Variants in CTIF observed in about 807,000 individuals in gnomAD.
CTIF encodes cap binding complex dependent translation initiation factor, also known as CBP80/20-dependent translation initiation factor.
A neutral mutation model predicts 66.0 loss-of-function variants in CTIF; 21 were observed. The observed-to-expected ratio is 0.32, with a 90% CI of 0.23 to 0.46. The LOEUF (loss-of-function observed/expected upper bound fraction) is 0.46, where lower values mean the gene tolerates loss of function less well. Ranked by LOEUF, CTIF falls within the 20% of genes least tolerant of loss-of-function variation. CTIF has a pLI of 1.00. For synonymous variants in CTIF, 345 were observed against 326.4 expected (o/e 1.06, Z -0.62); for missense variants, 739 against 812.7 (o/e 0.91, Z 1.10).
At chr18:48,777,245 G>A (rs1272834775) in intron 9 of CTIF, among the ~76,000 whole-genome samples, 3 of 152,198 alleles carry the variant, frequency 2.0e-5, no homozygotes, top group Non-Finnish European at 1.5e-5. Flanking sequence ...TGGGCAGGGC[G>A]GCCTGCAGGG....
chr18:48,685,052 A>G (rs1174187642), intron 6 of CTIF, among the ~76,000 whole-genome samples: 1 of 108,144 alleles, frequency 9.2e-6, no homozygotes, highest in Non-Finnish European at 1.9e-5. Flanking sequence ...TTTTTGGTTT[A>G]GAACCTATAC....
chr18:48,545,829 AAT>A (rs2088733824), intron 1 of CTIF, among the ~76,000 whole-genome samples: 1 of 152,050 alleles, frequency 6.6e-6, no homozygotes, highest in Admixed American at 6.6e-5. Flanking sequence ...TGCTGTAGAC[AAT>A]GAGAGCAGAC....
chr18:48,859,125 C>T (rs1292292647), intron 11 of CTIF, among the ~76,000 whole-genome samples: 1 of 152,188 alleles, frequency 6.6e-6, no homozygotes, highest in African/African-American at 2.4e-5. Context: ...TCGGATCCCT[C>T]TGGATCCTGC....
intron 9 of CTIF, among the ~76,000 whole-genome samples, chr18:48,790,531 C>G (rs1429071839): frequency 6.6e-6 from 1 of 152,222 alleles, no homozygotes; most frequent in African/African-American, 2.4e-5. Context: ...AGCCCCCTCC[C>G]CATCCCCCGG....
At chr18:48,571,120 C>G (rs1019031353) in intron 1 of CTIF, among the ~76,000 whole-genome samples, 2 of 152,164 alleles carry the variant, frequency 1.3e-5, no homozygotes, top group Non-Finnish European at 2.9e-5. Flanking sequence ...CCACCTACCC[C>G]CTTCCGTCTT....
intron 1 of CTIF, among the ~76,000 whole-genome samples, chr18:48,576,782 A>G (rs2089542297): frequency 6.6e-6 from 1 of 152,238 alleles, no homozygotes; most frequent in South Asian, 2.1e-4. Flanking sequence ...TCTCCTATTT[A>G]CACCGTAATT....
At chr18:48,552,567 G>A (rs1023978004) in intron 1 of CTIF, among the ~76,000 whole-genome samples, 10 of 152,160 alleles carry the variant, frequency 6.6e-5, no homozygotes, top group Admixed American at 1.3e-4. Context: ...GGGTGAGGAC[G>A]TTCTCTGGGG....
chr18:48,832,298 A>G (rs1477707200), intron 10 of CTIF, among the ~76,000 whole-genome samples: 2 of 151,432 alleles, frequency 1.3e-5, no homozygotes, highest in East Asian at 1.9e-4. Context: ...CAGCCCCCCA[A>G]GTAGTTGGGA....
chr18:48,698,303 T>C (rs1254637919), intron 6 of CTIF, among the ~76,000 whole-genome samples: 3 of 151,824 alleles, frequency 2.0e-5, no homozygotes, highest in Non-Finnish European at 2.9e-5. Context: ...TCGCAGGAGA[T>C]GCCCCGGCTG....
At chr18:48,581,852 T>C (rs1284704270) in intron 1 of CTIF, among the ~76,000 whole-genome samples, 1 of 151,660 alleles carries the variant, frequency 6.6e-6, no homozygotes, top group Non-Finnish European at 1.5e-5. Context: ...AGGAAAAGTG[T>C]GATTAAGTGG....
At chr18:48,708,104 T>C (rs1198421789) in intron 6 of CTIF, among the ~76,000 whole-genome samples, 1 of 152,234 alleles carries the variant, frequency 6.6e-6, no homozygotes, top group East Asian at 1.9e-4. Flanking sequence ...CCATAATTTA[T>C]TTATCCAGTC....
intron 1 of CTIF, among the ~76,000 whole-genome samples, chr18:48,568,940 G>A (rs2089347783): frequency 6.6e-6 from 1 of 152,178 alleles, no homozygotes. Flanking sequence ...TTGAAGATGA[G>A]ATTTGGGTGG....
chr18:48,802,775 C>G (rs1001646307), intron 9 of CTIF, among the ~76,000 whole-genome samples: 2 of 152,224 alleles, frequency 1.3e-5, no homozygotes, highest in African/African-American at 4.8e-5. Flanking sequence ...CTTCAGCCCC[C>G]TCACGCCCCT....
chr18:48,715,424 G>A lies in CTIF; in HGVS notation c.584+3729G>A, dbSNP rs377050836. Among the ~76,000 whole-genome samples the A allele has an allele frequency of 2.2e-4, 33 of 152,262 alleles. No homozygotes were observed. The South Asian group carries it at 5.6e-3, about 26-fold the overall frequency. On this transcript the variant is annotated intron_variant, in intron 7 of 11. Coordinates refer to ENST00000256413, the MANE Select transcript of CTIF (RefSeq NM_014772.3). ...AATGTGCTAAATGAGTGTTCCACGCGTTCCTCAAAGAGCAGCATGCCTTCT... is the reference window on the plus strand; with the variant it reads ...AATGTGCTAAATGAGTGTTCCACGCATTCCTCAAAGAGCAGCATGCCTTCT...
Position 48,615,587 on chromosome 18 carries a change from C to T in CTIF, c.-28-3951C>T, listed in dbSNP as rs2090384338. Among the ~76,000 whole-genome samples, 4 of 152,216 alleles carry T rather than the reference C, an allele frequency of 2.6e-5. No homozygotes were observed. The South Asian group carries it at 8.3e-4, about 32-fold the overall frequency. ...CCACTGTGGGCCACGGGGCTCACCC[C>T]ACTCGGAGTTGCTGAGGGACCACGT... On this transcript the variant is annotated intron_variant, in intron 1 of 11. Transcript: ENST00000256413.
chr18:48,661,307 C>T (rs2091341929), intron 3 of CTIF, among the ~76,000 whole-genome samples: 1 of 152,174 alleles, frequency 6.6e-6, no homozygotes, highest in East Asian at 1.9e-4. Context: ...GGCTTCAGGT[C>T]ACTGGGCTGA....
chr18:48,702,965 T>G (rs2092103451), intron 6 of CTIF, among the ~76,000 whole-genome samples: 1 of 152,016 alleles, frequency 6.6e-6, no homozygotes, highest in Non-Finnish European at 1.5e-5. Context: ...CCTCTGCTGT[T>G]AAGACAAGCT....
At chr18:48,838,589 T>C (rs921209933) in intron 10 of CTIF, among the ~76,000 whole-genome samples, 3 of 152,188 alleles carry the variant, frequency 2.0e-5, no homozygotes, top group African/African-American at 7.2e-5. Flanking sequence ...TGTGCACACT[T>C]GGGTGGGCTC....
intron 10 of CTIF, among the ~76,000 whole-genome samples, chr18:48,843,352 T>A (rs2068992661): frequency 6.6e-6 from 1 of 152,106 alleles, no homozygotes; most frequent in Non-Finnish European, 1.5e-5. Flanking sequence ...GTGCCCAGTG[T>A]TCCCAGTGAC....
Sources: gnomAD v4.1 joint callset for allele counts (sites outside exome capture counted in the v4.1 genomes callset) on GRCh38, gnomAD v4.1.1 for gene constraint, MANE v1.5 for transcripts, NCBI Gene and HGNC (gene_info 2026-07-23, HGNC 2026-07-21) for gene names.